The following SH2D4B variants were observed in gnomAD, a reference collection of about 807,000 sequenced individuals.
The protein encoded by SH2D4B is SH2 domain-containing protein 4B.
In SH2D4B, 45 loss-of-function variants were observed where a neutral mutation model predicts 61.5. The ratio of observed to expected loss-of-function variants is 0.73; its 90% CI spans 0.58 to 0.94. The LOEUF (loss-of-function observed/expected upper bound fraction) is 0.94, where lower values mean the gene tolerates loss of function less well. Ranked by LOEUF, SH2D4B falls within the 40% of genes least tolerant of loss-of-function variation. The pLI, the probability that SH2D4B is intolerant of heterozygous loss-of-function variation, is 0.00. For synonymous variants in SH2D4B, 224 were observed against 220.4 expected (o/e 1.02, Z -0.14); for missense variants, 572 against 574.2 (o/e 1.00, Z 0.04).
chr10:80,587,151 GTTT>G (rs58312366), intron 3 of SH2D4B, among the ~76,000 whole-genome samples: 18 of 48,352 alleles, frequency 3.7e-4, no homozygotes, highest in Admixed American at 1.5e-3. Context: ...TTTTTGTTTT[GTTT>G]TTTTTTTTTT....
intron 3 of SH2D4B, among the ~76,000 whole-genome samples, chr10:80,587,154 T>TTTTTTTTTTTTTTTG (rs1842267433): frequency 1.0e-5 from 1 of 99,438 alleles, no homozygotes; most frequent in Non-Finnish European, 1.9e-5. Flanking sequence ...TTGTTTTGTT[T>TTTTTTTTTTTTTTTG]TTTTTTTTTT....
intron 6 of SH2D4B, 116 bp downstream of exon 6, chr10:80,609,667 A>G (rs916735094): frequency 2.1e-5 from 32 of 1,490,362 alleles, no homozygotes; most frequent in Middle Eastern, 1.8e-4. Context: ...ACTTTAAGCA[A>G]TCTCCATTCT....
chr10:80,637,718 A>G (rs1364836858), intron 7 of SH2D4B, among the ~76,000 whole-genome samples: 1 of 152,242 alleles, frequency 6.6e-6, no homozygotes, highest in East Asian at 1.9e-4. Context: ...ATATACAGTC[A>G]TGTCATCTGC....
chr10:80,548,107 C>A (rs1267205747), intron 1 of SH2D4B, among the ~76,000 whole-genome samples: 1 of 152,170 alleles, frequency 6.6e-6, no homozygotes, highest in Non-Finnish European at 1.5e-5. Flanking sequence ...ACTTCCCACC[C>A]AAGGGATGCT....
chr10:80,585,809 T>C (rs1842239050), intron 3 of SH2D4B, among the ~76,000 whole-genome samples: 2 of 152,186 alleles, frequency 1.3e-5, no homozygotes, highest in East Asian at 3.9e-4. Context: ...ACCGCTGCAC[T>C]GTAAGAGCCC....
chr10:80,542,762 AT>A (rs1841599178), intron 1 of SH2D4B, among the ~76,000 whole-genome samples: 1 of 151,832 alleles, frequency 6.6e-6, no homozygotes, highest in African/African-American at 2.4e-5. Flanking sequence ...ACCGCCTCTC[AT>A]CCTTCTGGAT....
intron 3 of SH2D4B, among the ~76,000 whole-genome samples, chr10:80,585,137 G>A (rs1386693676): frequency 6.6e-6 from 1 of 152,052 alleles, no homozygotes; most frequent in African/African-American, 2.4e-5. Flanking sequence ...CTCAGGAGTG[G>A]GACAGAAATG....
At chr10:80,576,923 A>G (rs1000429356) in intron 3 of SH2D4B, among the ~76,000 whole-genome samples, 4 of 152,134 alleles carry the variant, frequency 2.6e-5, no homozygotes, top group African/African-American at 9.7e-5. Flanking sequence ...GCACACCACC[A>G]CACCCAGCAA....
At chr10:80,587,162 T>G (rs1842267848) in intron 3 of SH2D4B, among the ~76,000 whole-genome samples, 1 of 128,038 alleles carries the variant, frequency 7.8e-6, no homozygotes, top group African/African-American at 3.4e-5. Flanking sequence ...TTTTTTTTTT[T>G]TTTTTTGGAG....
At chr10:80,591,657 C>A (rs543675316) in intron 4 of SH2D4B, among the ~76,000 whole-genome samples, 1 of 152,124 alleles carries the variant, frequency 6.6e-6, no homozygotes, top group Admixed American at 6.5e-5. Flanking sequence ...TGTGCCACCA[C>A]ACCCAGTTAA....
At chr10:80,598,153 G>A (rs1842407336) in intron 4 of SH2D4B, among the ~76,000 whole-genome samples, 1 of 152,204 alleles carries the variant, frequency 6.6e-6, no homozygotes, top group Non-Finnish European at 1.5e-5. Context: ...CTCTTGCTCA[G>A]TTGCTCAGTT....
At chr10:80,556,316 A>G (rs1212973158) in intron 1 of SH2D4B, among the ~76,000 whole-genome samples, 2 of 152,212 alleles carry the variant, frequency 1.3e-5, no homozygotes, top group Non-Finnish European at 2.9e-5. Flanking sequence ...CAAATACCAC[A>G]TTGGCTGTTG....
intron 6 of SH2D4B, among the ~76,000 whole-genome samples, chr10:80,609,836 G>A (rs1196833735): frequency 6.6e-6 from 1 of 152,166 alleles, no homozygotes; most frequent in African/African-American, 2.4e-5. Flanking sequence ...CTTCTTTGTG[G>A]TCATAAGACA....
intron 1 of SH2D4B, among the ~76,000 whole-genome samples, chr10:80,567,356 T>C (rs1841983314): frequency 6.6e-6 from 1 of 152,158 alleles, no homozygotes. Flanking sequence ...ATTGTCACTG[T>C]CCTAAATTGT....
chr10:80,625,491 G>T (rs1321455779), intron 6 of SH2D4B, among the ~76,000 whole-genome samples: 1 of 151,782 alleles, frequency 6.6e-6, no homozygotes, highest in East Asian at 1.9e-4. Context: ...GTAAATAGTT[G>T]TAATGTATTC....
chr10:80,541,430 C>T (rs1038534825), intron 1 of SH2D4B, among the ~76,000 whole-genome samples: 23 of 152,186 alleles, frequency 1.5e-4, no homozygotes, highest in African/African-American at 5.6e-4. Context: ...CCCCTCCCTA[C>T]ACATTTTTTT....
At chr10:80,566,088 C>T (rs1275977859) in intron 1 of SH2D4B, among the ~76,000 whole-genome samples, 4 of 27,136 alleles carry the variant, frequency 1.5e-4, no homozygotes, top group East Asian at 1.1e-3. Context: ...GAGACTCCGG[C>T]TCAAAAAAAA....
intron 1 of SH2D4B, among the ~76,000 whole-genome samples, chr10:80,545,200 A>G (rs138961727): frequency 8.5e-5 from 13 of 152,294 alleles, no homozygotes; most frequent in African/African-American, 3.1e-4. Context: ...TAGTTCCAGA[A>G]CATTTTTCTC....
intron 6 of SH2D4B, among the ~76,000 whole-genome samples, chr10:80,614,602 TGCTATTGG>T (rs1228385789): frequency 6.6e-6 from 1 of 152,252 alleles, no homozygotes. Context: ...GGCTGCACCT[TGCTATTGG>T]GCAGTCTTGA....
Sources: gnomAD v4.1 joint callset for allele counts (sites outside exome capture counted in the v4.1 genomes callset) on GRCh38, gnomAD v4.1.1 for gene constraint, MANE v1.5 for transcripts, NCBI Gene and HGNC (gene_info 2026-07-23, HGNC 2026-07-21) for gene names.